The following SHB variants were observed in gnomAD, a reference collection of about 807,000 sequenced individuals.
The protein encoded by SHB is SH2 domain containing adaptor protein B.
In SHB, 20 loss-of-function variants were observed where a neutral mutation model predicts 52.3. The observed-to-expected ratio is 0.38, with a 90% confidence interval of 0.27 to 0.56. The LOEUF is 0.56. SHB is among the 20% of genes least tolerant of loss of function. The pLI, the probability that SHB is intolerant of heterozygous loss-of-function variation, is 0.71. For synonymous variants in SHB, 397 were observed against 316.5 expected, an observed-to-expected ratio of 1.25 and a Z score of -2.70; for missense variants, 825 against 723.3, an observed-to-expected ratio of 1.14 and a Z score of -1.61.
rs1412375956 is a variant in SHB, at chr9:37,956,021, G to T, written c.1088C>A (p.Ser363Tyr). Reference sequence around the variant, plus strand: ...CCGCCGGTCCCGCGAAGGTGAGGGGGATGACTGCCGCTTCTCGTTGCCATT... The same window carrying T: ...CCGCCGGTCCCGCGAAGGTGAGGGGTATGACTGCCGCTTCTCGTTGCCATT... ...QFNGNEKRQS[S>Y]PSPSRDRRRQ... is the part of the protein sequence containing the mutation. The change falls in exon 4 of 6, where the codon TCC becomes TAC. Residue 363 changes from serine (S) to tyrosine (Y), a missense_variant. Ser to Tyr is a moderately radical substitution (Grantham distance 144, BLOSUM62 -2). Coordinates refer to ENST00000377707, the MANE Select transcript of SHB (RefSeq NM_003028.3). 2.5e-6 allele frequency: 4 copies of T among 1,578,416 alleles called. No individual in the cohort carries two copies. The South Asian group carries it at 3.5e-5, about 14-fold the overall frequency.
chr9:38,011,738 A>T (rs752204661), intron 2 of SHB, among the ~76,000 whole-genome samples: 1 of 152,202 alleles, frequency 6.6e-6, no homozygotes, highest in Non-Finnish European at 1.5e-5. Context: ...AGACAGCTTC[A>T]CATTTAATCA....
intron 2 of SHB, among the ~76,000 whole-genome samples, chr9:37,993,271 C>T (rs1005208063): frequency 9.2e-5 from 14 of 151,844 alleles, no homozygotes; most frequent in East Asian, 5.8e-4. Context: ...TGTGTGTGCG[C>T]GTGTGTGTGT....
chr9:38,017,427 CTT>C (rs764986077), intron 1 of SHB, among the ~76,000 whole-genome samples: 11 of 152,368 alleles, frequency 7.2e-5, no homozygotes, highest in South Asian at 4.1e-4. Context: ...GAAAATCCCC[CTT>C]TGTCTGCCTG....
chr9:37,958,425 G>A lies in SHB; in HGVS notation c.1055-2371C>T, dbSNP rs537484006. 3.3e-4 allele frequency among the ~76,000 whole-genome samples: 51 copies of A among 152,314 alleles called. No individual in the cohort carries two copies. In the South Asian group the frequency reaches 0.01, roughly 31 times the overall value. On this transcript the variant is annotated intron_variant, in intron 3 of 5. Coordinates refer to ENST00000377707, the MANE Select transcript of SHB (RefSeq NM_003028.3). ...GGGCTGGCCTTACCTATGAGAGGAA[G>A]ACTCACCAAAGGCCCTAATTAAGCT...
In SHB at chr9:37,918,993, A is replaced by G. The variant is rs1832140091; in HGVS notation, c.*828T>C. 1 of 152,348 alleles carries G rather than the reference A, an allele frequency of 6.6e-6. No homozygotes were observed. Among genetic ancestry groups the G allele is most frequent in the Non-Finnish European group, 1.5e-5 (1 of 68,040 alleles). The allele number at this position is 152,348 out of a possible 1,614,324, so 9.4% of individuals were successfully genotyped here. On this transcript the variant is annotated 3_prime_UTR_variant, in exon 6 of 6. Coordinates refer to ENST00000377707, the MANE Select transcript of SHB (RefSeq NM_003028.3). ...TGTGTCCAGAGCTGCTGAGGGCTGG[A>G]GCTGAGGCCTCGGCCTCCCTCCCCT...
rs556529597 is a variant in SHB at position 38,027,645 on chromosome 9, G to A, written c.718-11514C>T. On this transcript the variant is annotated intron_variant, in intron 1 of 5. Coordinates refer to ENST00000377707, the MANE Select transcript of SHB (RefSeq NM_003028.3). ...TGGGCAACTAGATGGAGCATGATCTGACAGAGGAAACTCTGGGAAACCATG... is the reference window on the plus strand; with the variant it reads ...TGGGCAACTAGATGGAGCATGATCTAACAGAGGAAACTCTGGGAAACCATG... 9.2e-4 allele frequency among the ~76,000 whole-genome samples: 139 copies of A among 150,848 alleles called. 1 individual carries two copies. Among genetic ancestry groups the A allele is most frequent in the Non-Finnish European group, 1.5e-3 (101 of 67,726 alleles).
intron 5 of SHB, among the ~76,000 whole-genome samples, chr9:37,947,913 C>G (rs771260553): frequency 6.6e-5 from 10 of 152,204 alleles, no homozygotes; most frequent in Non-Finnish European, 1.2e-4. Flanking sequence ...CAAATCCCTT[C>G]TTTTTCTGGA....
At chr9:37,928,909 G>C (rs1832280986) in intron 5 of SHB, among the ~76,000 whole-genome samples, 1 of 152,262 alleles carries the variant, frequency 6.6e-6, no homozygotes, top group Non-Finnish European at 1.5e-5. Context: ...CTCCAGAGCA[G>C]GACCATGCAG....
chr9:37,976,105 G>A lies in SHB; in HGVS notation c.839-1268C>T, dbSNP rs1449959542. On this transcript the variant is annotated intron_variant, in intron 2 of 5. Transcript: ENST00000377707. The stretch of plus-strand genomic sequence containing the variant: ...GGCTGGAGTGCAGTGCTACAATCTC[G>A]GCTCACTGCAAACTCTGGCTCCCGG... Among the ~76,000 whole-genome samples, 20 of 152,132 alleles carry A rather than the reference G, an allele frequency of 1.3e-4. No individual in the cohort carries two copies. The East Asian group carries it at 3.3e-3, about 25-fold the overall frequency.
intron 3 of SHB, among the ~76,000 whole-genome samples, chr9:37,957,479 A>G (rs1227362877): frequency 2.0e-5 from 3 of 152,138 alleles, no homozygotes; most frequent in African/African-American, 7.2e-5. Context: ...TTCTCCATCA[A>G]CCACTTTGGA....
chr9:37,979,797 T>C (rs1820701773), intron 2 of SHB, among the ~76,000 whole-genome samples: 1 of 151,958 alleles, frequency 6.6e-6, no homozygotes. Flanking sequence ...TCTCTACTAA[T>C]AATACAAAAA....
At chr9:37,939,129 T>G (rs1832408557) in intron 5 of SHB, among the ~76,000 whole-genome samples, 1 of 152,216 alleles carries the variant, frequency 6.6e-6, no homozygotes, top group Non-Finnish European at 1.5e-5. Context: ...CAGATAGGGC[T>G]TCCTAAACTT....
At chr9:37,972,053 T>C (rs1335478718) in intron 3 of SHB, among the ~76,000 whole-genome samples, 2 of 152,110 alleles carry the variant, frequency 1.3e-5, no homozygotes, top group South Asian at 4.1e-4. Flanking sequence ...GACTGCACTT[T>C]GAGTAACAAG....
intron 5 of SHB, among the ~76,000 whole-genome samples, chr9:37,939,424 G>A (rs1302402509): frequency 6.6e-6 from 1 of 152,238 alleles, no homozygotes; most frequent in East Asian, 1.9e-4. Context: ...GCAATGAGTT[G>A]CGCTTTCTTC....
chr9:38,057,019 G>C (rs1282182073), intron 1 of SHB, among the ~76,000 whole-genome samples: 2 of 152,184 alleles, frequency 1.3e-5, no homozygotes, highest in Admixed American at 6.5e-5. Context: ...GGTCTTTCTA[G>C]AACACAATTT....
chr9:38,011,097 T>G (rs919154925), intron 2 of SHB, among the ~76,000 whole-genome samples: 1 of 152,342 alleles, frequency 6.6e-6, no homozygotes, highest in African/African-American at 2.4e-5. Context: ...CAAGTCAGCC[T>G]GATCAGTGTC....
At chr9:37,936,124 G>A (rs1334091709) in intron 5 of SHB, among the ~76,000 whole-genome samples, 1 of 152,022 alleles carries the variant, frequency 6.6e-6, no homozygotes, top group Non-Finnish European at 1.5e-5. Context: ...GCCGAGGCAG[G>A]AGAATTGCTT....
chr9:38,024,074 AGGATT>A (rs1475020489), intron 1 of SHB, among the ~76,000 whole-genome samples: 1 of 152,216 alleles, frequency 6.6e-6, no homozygotes, highest in Non-Finnish European at 1.5e-5. Context: ...CACTCCATTT[AGGATT>A]GGTTTGCTTT....
At chr9:37,982,973 G>GCAC (rs1554702664) in intron 2 of SHB, among the ~76,000 whole-genome samples, 1 of 145,206 alleles carries the variant, frequency 6.9e-6, no homozygotes. Flanking sequence ...CCTCTCTGGT[G>GCAC]CCCCCCCCTC....
Sources: gnomAD v4.1 joint callset for allele counts (sites outside exome capture counted in the v4.1 genomes callset) on GRCh38, gnomAD v4.1.1 for gene constraint, MANE v1.5 for transcripts, NCBI Gene and HGNC (gene_info 2026-07-23, HGNC 2026-07-21) for gene names.